The following TNIK variants were observed in gnomAD, a reference collection of about 807,000 sequenced individuals.
The protein encoded by TNIK is TRAF2 and NCK interacting kinase, also known as TRAF2 and NCK-interacting protein kinase.
In TNIK, 49 loss-of-function variants were observed where a neutral mutation model predicts 191.3. The observed-to-expected ratio is 0.26, with a 90% confidence interval of 0.20 to 0.32. TNIK has a LOEUF of 0.32. Among genes scored for constraint, TNIK ranks in the 10% least tolerant of loss-of-function variants. TNIK has a pLI of 1.00. For synonymous variants in TNIK, 594 were observed against 600.9 expected (o/e 0.99, Z 0.17); for missense variants, 1,155 against 1,702.3 (o/e 0.68, Z 5.66).
At chr3:171,293,186 C>T (rs1451046577) in intron 2 of TNIK, among the ~76,000 whole-genome samples, 2 of 152,246 alleles carry the variant, frequency 1.3e-5, no homozygotes, top group East Asian at 1.9e-4. Context: ...CCACAAATAT[C>T]CTGATTAACA....
intron 24 of TNIK, among the ~76,000 whole-genome samples, chr3:171,085,546 AG>A (rs1351636686): frequency 6.6e-6 from 1 of 152,244 alleles, no homozygotes; most frequent in Non-Finnish European, 1.5e-5. Context: ...TCTCCCTTTC[AG>A]TAAAAGCAAC....
intron 2 of TNIK, among the ~76,000 whole-genome samples, chr3:171,295,241 T>A (rs1752155384): frequency 6.6e-6 from 1 of 152,188 alleles, no homozygotes; most frequent in African/African-American, 2.4e-5. Context: ...TTTGGGGAAC[T>A]ATGCACTAGG....
chr3:171,324,688 C>T lies in TNIK; in HGVS notation c.123+44932G>A, dbSNP rs751057042. 5.2e-4 allele frequency among the ~76,000 whole-genome samples: 79 copies of T among 152,060 alleles called. 1 individual carries two copies. Among genetic ancestry groups the T allele is most frequent in the Non-Finnish European group, 7.9e-4 (54 of 68,006 alleles). On this transcript the variant is annotated intron_variant, in intron 2 of 32. Transcript: ENST00000436636. ...AGAGGACTGCAGGTAGCTAAGCTTT[C>T]GAAAATGTCAGTTTTGTTGTTATTG...
intron 2 of TNIK, among the ~76,000 whole-genome samples, chr3:171,369,160 T>G (rs1431960335): frequency 6.6e-6 from 1 of 152,186 alleles, no homozygotes; most frequent in East Asian, 1.9e-4. Context: ...GCTATTAAGC[T>G]TTTGCTTTGT....
Position 171,108,103 on chromosome 3 carries a change from C to T in TNIK, c.2344G>A (p.Glu782Lys), listed in dbSNP as rs766186062. 4 of 1,577,092 alleles carry T rather than the reference C, an allele frequency of 2.5e-6. No homozygotes were observed. Among genetic ancestry groups the T allele is most frequent in the African/African-American group, 1.3e-5 (1 of 74,268 alleles). ...LPHEPAKVKP[E>K]ESRDITRPSR... ...GGCCGGGTAATGTCCCTGGATTCTT[C>T]TGGTTTCACCTTCGCAGGCTCATGG... Residue 782 changes from glutamate to lysine, a missense_variant, in exon 20 of 33, where the codon GAA becomes AAA. Coordinates refer to ENST00000436636, the MANE Select transcript of TNIK (RefSeq NM_015028.4).
intron 2 of TNIK, among the ~76,000 whole-genome samples, chr3:171,238,342 A>G (rs1744556173): frequency 6.6e-6 from 1 of 152,032 alleles, no homozygotes; most frequent in South Asian, 2.1e-4. Flanking sequence ...AAATGATAAT[A>G]TTGTATATAT....
intron 2 of TNIK, among the ~76,000 whole-genome samples, chr3:171,351,110 C>T (rs1400278011): frequency 1.3e-5 from 2 of 152,088 alleles, no homozygotes; most frequent in Admixed American, 1.3e-4. Context: ...AGGCTGGTCT[C>T]GAACTCCTGA....
intron 4 of TNIK, among the ~76,000 whole-genome samples, chr3:171,204,291 C>T (rs1560258151): frequency 1.3e-5 from 2 of 152,176 alleles, no homozygotes; most frequent in African/African-American, 4.8e-5. Context: ...CCACAAAGAG[C>T]TAGTGCTAAA....
At chr3:171,306,692 G>A (rs937064307) in intron 2 of TNIK, among the ~76,000 whole-genome samples, 2 of 152,042 alleles carry the variant, frequency 1.3e-5, no homozygotes, top group East Asian at 3.9e-4. Context: ...ATTCAAATGG[G>A]CTTTCATGAA....
At chr3:171,277,334 G>T (rs910886558) in intron 2 of TNIK, among the ~76,000 whole-genome samples, 4 of 152,140 alleles carry the variant, frequency 2.6e-5, no homozygotes, top group Admixed American at 2.6e-4. Context: ...AACAGACTAA[G>T]ACACTAATAA....
intron 1 of TNIK, among the ~76,000 whole-genome samples, chr3:171,424,547 G>A (rs886993779): frequency 6.6e-5 from 10 of 152,142 alleles, no homozygotes; most frequent in Non-Finnish European, 8.8e-5. Flanking sequence ...TGTTTATTGC[G>A]GCACTATTCA....
In TNIK at chr3:171,287,275, T is replaced by C. The variant is rs189892451; in HGVS notation, c.124-59054A>G. 3.2e-3 allele frequency among the ~76,000 whole-genome samples: 491 copies of C among 152,348 alleles called. 13 individuals carry two copies. The highest frequency in any genetic ancestry group is 6.3e-4 in the Non-Finnish European group (43 of 68,034). On this transcript the variant is annotated intron_variant, in intron 2 of 32. Transcript: ENST00000436636. ...TTTCATTGTTAAGAAAATTTTCAAC[T>C]ATTAGTTATGTTGTCAAGTCCTATT... is the stretch of plus-strand genomic sequence containing the variant.
chr3:171,300,237 T>C (rs148181381), intron 2 of TNIK, among the ~76,000 whole-genome samples: 1 of 152,174 alleles, frequency 6.6e-6, no homozygotes, highest in African/African-American at 2.4e-5. Context: ...GGCAAACCTA[T>C]GTACCTATGA....
At chr3:171,282,580 G>A (rs1438751034) in intron 2 of TNIK, among the ~76,000 whole-genome samples, 1 of 152,078 alleles carries the variant, frequency 6.6e-6, no homozygotes, top group Non-Finnish European at 1.5e-5. Context: ...CTGGCCTTAG[G>A]TGATCCACCT....
chr3:171,094,102 G>A (rs1004259474), intron 22 of TNIK, 134 bp from the exon 23 acceptor site: 13 of 1,196,276 alleles, frequency 1.1e-5, no homozygotes, highest in Non-Finnish European at 1.3e-5. Flanking sequence ...CCAATTTTAA[G>A]TGTACATGTC....
intron 1 of TNIK, among the ~76,000 whole-genome samples, chr3:171,402,756 G>A (rs181331677): frequency 6.6e-6 from 1 of 152,098 alleles, no homozygotes; most frequent in African/African-American, 2.4e-5. Context: ...TTATTTATTA[G>A]TCCTTATGTT....
intron 2 of TNIK, among the ~76,000 whole-genome samples, chr3:171,287,188 TCAAAA>T (rs758007733): frequency 5.3e-5 from 8 of 151,938 alleles, no homozygotes; most frequent in African/African-American, 1.2e-4. Flanking sequence ...ACTGAAAAAC[TCAAAA>T]CAAAACAAAA....
chr3:171,372,006 C>T (rs1437917248), intron 1 of TNIK, among the ~76,000 whole-genome samples: 1 of 152,108 alleles, frequency 6.6e-6, no homozygotes, highest in South Asian at 2.1e-4. Flanking sequence ...ACCTGGGAAT[C>T]AAACAGGGAT....
In TNIK at chr3:171,194,601, G is replaced by C; in HGVS notation, c.341C>G (p.Thr114Ser). ...ACCTTTTGTGTTCTTGATCAGGTCG[G>C]TGACAGAGCCAGCACCACAAAACTC... ...VMEFCGAGSV[T>S]DLIKNTKGNT... The change falls in exon 5 of 33, where the codon ACC (threonine) becomes AGC (serine). Residue 114 changes from threonine (T) to serine (S), a missense_variant. This residue lies in a region of TNIK where 225 missense variants were observed against 438.9 expected (regional missense o/e 0.51). Transcript: ENST00000436636. The C allele has an allele frequency of 1.2e-6, 2 of 1,613,836 alleles. No homozygotes were observed. Among genetic ancestry groups the C allele is most frequent in the Non-Finnish European group, 8.5e-7 (1 of 1,179,850 alleles).
Sources: gnomAD v4.1 joint callset for allele counts (sites outside exome capture counted in the v4.1 genomes callset) on GRCh38, gnomAD v4.1.1 for gene constraint, gnomAD v4.1.1 regional missense constraint, MANE v1.5 for transcripts, NCBI Gene and HGNC (gene_info 2026-07-23, HGNC 2026-07-21) for gene names.